DDX50: variants seen among roughly 807,000 people sequenced by gnomAD.
The protein encoded by DDX50 is ATP-dependent RNA helicase DDX50.
In DDX50, 56 loss-of-function variants were observed where a neutral mutation model predicts 94.8. The observed-to-expected ratio is 0.59, with a 90% CI of 0.48 to 0.74. DDX50 has a LOEUF of 0.74. DDX50 is among the 30% of genes least tolerant of loss of function. The pLI is 0.00. For missense variants in DDX50, 713 were observed against 881.2 expected (o/e 0.81, Z 2.42); for synonymous variants, 264 against 295.4 (o/e 0.89, Z 1.09).
rs1305382226 is a variant in DDX50 at position 68,935,712 on chromosome 10, GTAATCCCAGCTACTA to G, written c.1522-292_1522-278del. On this transcript the variant is annotated intron_variant, in intron 10 of 14. Coordinates refer to ENST00000373585, the MANE Select transcript of DDX50 (RefSeq NM_024045.2). ...TAGCTGGGCATGGTGGTAGACACCT[GTAATCCCAGCTACTA>G]TGGAGGCTGAGGCAGGAGAATTGCT... Among the ~76,000 whole-genome samples, 3 of 152,222 alleles carry G rather than the reference GTAATCCCAGCTACTA, an allele frequency of 2.0e-5. No homozygotes were observed. In the East Asian group the frequency reaches 5.8e-4, roughly 29 times the overall value.
chr10:68,943,262 T>C lies in DDX50; in HGVS notation c.1935+5T>C. On this transcript the variant is annotated splice_donor_5th_base_variant and intron_variant, in intron 14 of 14. Transcript: ENST00000373585. ...ACTGAGTCAGAAAGGTTACAGGTAT[T>C]TTTAAAATTTTATCTTTTAAATGGT... is the stretch of plus-strand genomic sequence containing the variant. The C allele has an allele frequency of 6.2e-7, 1 of 1,602,638 alleles. No homozygotes were observed. Among genetic ancestry groups the C allele is most frequent in the Non-Finnish European group, 8.5e-7 (1 of 1,176,316 alleles).
intron 2 of DDX50, among the ~76,000 whole-genome samples, chr10:68,910,016 C>A (rs1589250539): frequency 6.6e-6 from 1 of 152,094 alleles, no homozygotes; most frequent in South Asian, 2.1e-4. Context: ...CATGGTGAGA[C>A]CCTGTCTCTA....
intron 8 of DDX50, among the ~76,000 whole-genome samples, chr10:68,926,774 T>TACACACACACACAC (rs67773821): frequency 7.1e-5 from 10 of 140,330 alleles, no homozygotes; most frequent in African/African-American, 2.3e-4. Context: ...CACACAGAGA[T>TACACACACACACAC]ACACACACAC....
At position 68,921,996 on chromosome 10, in the gene DDX50, G is replaced by T. The variant is rs565925497; in HGVS notation, c.1239+2015G>T. 9.9e-5 allele frequency among the ~76,000 whole-genome samples: 15 copies of T among 152,160 alleles called. No homozygotes were observed. The East Asian group carries it at 2.9e-3, about 29-fold the overall frequency. ...GGTACGCAGTGTACACTTTCAATTT[G>T]TAGTTTCATATGTATTTTTTAAAAG... On this transcript the variant is annotated intron_variant, in intron 8 of 14. Transcript: ENST00000373585.
intron 12 of DDX50, among the ~76,000 whole-genome samples, chr10:68,939,535 C>T (rs1273928819): frequency 6.6e-6 from 1 of 152,104 alleles, no homozygotes; most frequent in Non-Finnish European, 1.5e-5. Flanking sequence ...TGTCTTATCA[C>T]TCTCCCCTTT....
At position 68,926,118 on chromosome 10, in the gene DDX50, C is replaced by T. The variant is rs28588870; in HGVS notation, c.1239+6137C>T. On this transcript the variant is annotated intron_variant, in intron 8 of 14. Transcript: ENST00000373585. ...GCCTGAGCCCAAGAGTTAGAGGTTG[C>T]AGTGAGCTATGAACATGACACCGCA... 1.2e-3 allele frequency among the ~76,000 whole-genome samples: 166 copies of T among 133,388 alleles called. 4 individuals are homozygous for T. Among genetic ancestry groups the T allele is most frequent in the African/African-American group, 5.3e-3 (160 of 29,910 alleles). 87.5% of individuals were successfully genotyped at this position (133,388 alleles called of 152,430 possible). A position where few individuals can be genotyped will look rare whatever the true frequency, so the allele number is the denominator to read the frequency against.
At chr10:68,919,099 C>T (rs1214427353) in intron 7 of DDX50, among the ~76,000 whole-genome samples, 1 of 151,930 alleles carries the variant, frequency 6.6e-6, no homozygotes, top group African/African-American at 2.4e-5. Context: ...GTAGGCTATA[C>T]CCTAGGTTTG....
At chr10:68,926,578 G>C (rs1241575683) in intron 8 of DDX50, among the ~76,000 whole-genome samples, 4 of 152,062 alleles carry the variant, frequency 2.6e-5, no homozygotes, top group Admixed American at 2.6e-4. Flanking sequence ...AAAAAGTCAA[G>C]TTTTACTTGG....
At chr10:68,923,611 C>T (rs897336151) in intron 8 of DDX50, among the ~76,000 whole-genome samples, 6 of 151,742 alleles carry the variant, frequency 4.0e-5, no homozygotes, top group East Asian at 1.9e-4. Context: ...GGCAAGATCC[C>T]GGCTCACTGC....
Position 68,913,416 on chromosome 10 carries a change from C to T in DDX50, c.783C>T (p.Asp261=), listed in dbSNP as rs757044776. 4 of 1,613,544 alleles carry T rather than the reference C, an allele frequency of 2.5e-6. No individual in the cohort carries two copies. In the Admixed American group the frequency reaches 5.0e-5, roughly 20 times the overall value. The change falls in exon 6 of 15, where the codon GAC becomes GAT. Residue 261 remains aspartate (D), a synonymous_variant. Coordinates refer to ENST00000373585, the MANE Select transcript of DDX50 (RefSeq NM_024045.2). Reference sequence around the variant, plus strand: ...TTAATCATATTCGAAATGGTATTGACATCTTGGTTGGAACACCTGGTCGTA... The same window carrying T: ...TTAATCATATTCGAAATGGTATTGATATCTTGGTTGGAACACCTGGTCGTA... ...SQINHIRNGI[D]ILVGTPGRIK...
chr10:68,933,270 A>G (rs370895202), intron 8 of DDX50, among the ~76,000 whole-genome samples: 5 of 152,072 alleles, frequency 3.3e-5, no homozygotes, highest in African/African-American at 1.2e-4. Flanking sequence ...GAGTTTCACC[A>G]TGTTGGCCAG....
At chr10:68,943,581 C>T (rs895686369) in intron 14 of DDX50, among the ~76,000 whole-genome samples, 5 of 151,872 alleles carry the variant, frequency 3.3e-5, no homozygotes, top group East Asian at 1.9e-4. Context: ...CCACCATGCC[C>T]GGATAATTTT....
chr10:68,942,876 C>G lies in DDX50; in HGVS notation c.1891-337C>G, dbSNP rs541039351. Among the ~76,000 whole-genome samples, 10 of 152,246 alleles carry G rather than the reference C, an allele frequency of 6.6e-5. No homozygotes were observed. The South Asian group carries it at 1.0e-3, about 16-fold the overall frequency. ...ACTCAAACAATCTGTCCACCTTGGC[C>G]TCCCAAAGTGCTGGGATTACAGGCA... On this transcript the variant is annotated intron_variant, in intron 13 of 14. Coordinates refer to ENST00000373585, the MANE Select transcript of DDX50 (RefSeq NM_024045.2).
intron 14 of DDX50, among the ~76,000 whole-genome samples, chr10:68,944,014 C>T (rs945457715): frequency 3.3e-5 from 5 of 152,178 alleles, no homozygotes; most frequent in Admixed American, 2.6e-4. Context: ...TGTCCATCTA[C>T]TTACCCACTT....
intron 2 of DDX50, among the ~76,000 whole-genome samples, chr10:68,909,278 C>G (rs1841557719): frequency 6.6e-6 from 1 of 152,056 alleles, no homozygotes; most frequent in African/African-American, 2.4e-5. Flanking sequence ...AACACATGAA[C>G]AATAAAGCTT....
At chr10:68,936,140 C>A in intron 11 of DDX50, 61 bp downstream of exon 11, 1 of 1,371,170 alleles carries the variant, frequency 7.3e-7, no homozygotes, top group Non-Finnish European at 1.0e-6. Context: ...CATCTGTAAG[C>A]TCTCCCAGTT....
chr10:68,929,017 C>T (rs1394504263), intron 8 of DDX50, among the ~76,000 whole-genome samples: 3 of 151,816 alleles, frequency 2.0e-5, no homozygotes, highest in Admixed American at 6.6e-5. Context: ...GGCGCGATCT[C>T]GGCTCACTGC....
chr10:68,933,638 TA>T (rs550757375), intron 8 of DDX50, among the ~76,000 whole-genome samples: 179 of 145,382 alleles, frequency 1.2e-3, no homozygotes, highest in Non-Finnish European at 2.1e-3. Flanking sequence ...ATGTGTGTAT[TA>T]AAAAAAAAAA....
Position 68,901,528 on chromosome 10 carries a change from G to T in DDX50, c.87+57G>T, listed in dbSNP as rs1322842572. On this transcript the variant is annotated intron_variant, in intron 1 of 14. Transcript: ENST00000373585. ...GGCTGCGCCGGCTTGGGCGGGGAGG[G>T]GAACTGTCTGTCCCTGATGATGGCC... The T allele has an allele frequency of 3.3e-6, 5 of 1,517,714 alleles. No individual in the cohort carries two copies. The African/African-American group carries it at 6.9e-5, about 21-fold the overall frequency. 94.0% of individuals were successfully genotyped at this position (1,517,714 alleles called of 1,614,324 possible). A position where few individuals can be genotyped will look rare whatever the true frequency, so the allele number is the denominator to read the frequency against.
Sources: allele counts gnomAD v4.1 joint callset (sites outside exome capture counted in the v4.1 genomes callset), GRCh38; gene constraint gnomAD v4.1.1; transcripts MANE v1.5; gene names NCBI Gene and HGNC (gene_info 2026-07-23, HGNC 2026-07-21).